Variants in RASAL2 observed in about 807,000 individuals in gnomAD.
RASAL2 encodes ras GTPase-activating protein nGAP.
A neutral mutation model predicts 128.9 loss-of-function variants in RASAL2; 58 were observed. The observed-to-expected ratio is 0.45, with a 90% CI of 0.36 to 0.56. The LOEUF is 0.56. Among genes scored for constraint, RASAL2 ranks in the 20% least tolerant of loss-of-function variants. The pLI is 0.00. For missense variants in RASAL2, 1,360 were observed against 1,601.6 expected (o/e 0.85, Z 2.57); for synonymous variants, 561 against 580.8 (o/e 0.97, Z 0.49).
At chr1:178,325,079 G>A (rs1461140049) in intron 3 of RASAL2, among the ~76,000 whole-genome samples, 2 of 152,082 alleles carry the variant, frequency 1.3e-5, no homozygotes, top group Non-Finnish European at 2.9e-5. Context: ...ATGTTAACAT[G>A]TTTCCTCATT....
intron 17 of RASAL2, among the ~76,000 whole-genome samples, chr1:178,467,776 C>T (rs2102954260): frequency 6.6e-6 from 1 of 152,334 alleles, no homozygotes; most frequent in South Asian, 2.1e-4. Flanking sequence ...CCTCCACTGA[C>T]CATTGCTTGG....
In RASAL2 at chr1:178,133,294, TATC is replaced by T. The variant is rs555781085; in HGVS notation, c.202+38603_202+38605del. On this transcript the variant is annotated intron_variant, in intron 1 of 17. Transcript: ENST00000367649. ...TCCCCTGCCTTTTTGTTATAAATAT[TATC>T]ATGGCATGAAACAAAAAGCCTGTTA... Among the ~76,000 whole-genome samples, 18 of 152,322 alleles carry T rather than the reference TATC, an allele frequency of 1.2e-4. No individual in the cohort carries two copies. In the East Asian group the frequency reaches 3.3e-3, roughly 28 times the overall value.
At chr1:178,212,775 G>A (rs967426735) in intron 1 of RASAL2, among the ~76,000 whole-genome samples, 15 of 152,210 alleles carry the variant, frequency 9.9e-5, no homozygotes, top group African/African-American at 3.6e-4. Flanking sequence ...ACAGGCATGA[G>A]CCATGAGCCG....
chr1:178,105,212 A>G (rs1055703422), intron 1 of RASAL2, among the ~76,000 whole-genome samples: 6 of 152,346 alleles, frequency 3.9e-5, no homozygotes, highest in Admixed American at 6.5e-5. Context: ...AAGAACTAAT[A>G]TTAATGATTA....
intron 1 of RASAL2, among the ~76,000 whole-genome samples, chr1:178,150,927 G>T (rs1428709433): frequency 6.6e-6 from 1 of 151,914 alleles, no homozygotes; most frequent in South Asian, 2.1e-4. Flanking sequence ...CACTTCTTTT[G>T]TGCTTTTTCT....
At chr1:178,186,931 C>T (rs1405136380) in intron 1 of RASAL2, among the ~76,000 whole-genome samples, 2 of 151,914 alleles carry the variant, frequency 1.3e-5, no homozygotes, top group Non-Finnish European at 2.9e-5. Flanking sequence ...TCTAGTGATC[C>T]TCCCGCCTCA....
intron 3 of RASAL2, among the ~76,000 whole-genome samples, chr1:178,332,218 C>T (rs1019309966): frequency 6.6e-6 from 1 of 151,978 alleles, no homozygotes. Flanking sequence ...CCTATGTTCT[C>T]GGCCGGGCAC....
chr1:178,147,058 T>G (rs1220209144), intron 1 of RASAL2, among the ~76,000 whole-genome samples: 1 of 152,238 alleles, frequency 6.6e-6, no homozygotes, highest in Non-Finnish European at 1.5e-5. Flanking sequence ...AGATTTTAAC[T>G]GTAATTAAGT....
chr1:178,382,662 A>T (rs1478586720), intron 3 of RASAL2, among the ~76,000 whole-genome samples: 1 of 152,158 alleles, frequency 6.6e-6, no homozygotes, highest in Admixed American at 6.5e-5. Context: ...AGGATTAAAG[A>T]TGTAACTTAT....
chr1:178,330,966 C>T (rs1669274674), intron 3 of RASAL2, among the ~76,000 whole-genome samples: 1 of 152,188 alleles, frequency 6.6e-6, no homozygotes, highest in Non-Finnish European at 1.5e-5. Flanking sequence ...TATTTATTCA[C>T]ATAACCCTAT....
In RASAL2 at chr1:178,474,364, A is replaced by AT. The variant is rs144925932; in HGVS notation, c.*1126dup. 0.034 allele frequency: 5,257 copies of AT among 152,504 alleles called. 124 individuals are homozygous for AT. The highest frequency in any genetic ancestry group is 0.05 in the Non-Finnish European group (3,415 of 68,018). The allele number at this position is 152,504 out of a possible 1,614,324, so 9.4% of individuals were successfully genotyped here. On this transcript the variant is annotated 3_prime_UTR_variant, in exon 18 of 18. Coordinates refer to ENST00000367649, the MANE Select transcript of RASAL2 (RefSeq NM_170692.4). ...ATCTATGGGGGGTAATTTTATCTCC[A>AT]TCTTTAACTTTTAAAGTACTTCTTC...
chr1:178,202,836 A>T (rs1374632514), intron 1 of RASAL2, among the ~76,000 whole-genome samples: 1 of 152,138 alleles, frequency 6.6e-6, no homozygotes, highest in African/African-American at 2.4e-5. Flanking sequence ...TTCCCCAGCC[A>T]CCTGTGTCAT....
At chr1:178,466,208 AAAAGC>A in intron 16 of RASAL2, 86 bp downstream of exon 16, 2 of 1,326,944 alleles carry the variant, frequency 1.5e-6, no homozygotes, top group Non-Finnish European at 2.0e-6. Flanking sequence ...GAATGGCAGC[AAAAGC>A]CATTTTTATC....
chr1:178,207,517 G>A (rs973818698), intron 1 of RASAL2, among the ~76,000 whole-genome samples: 5 of 152,154 alleles, frequency 3.3e-5, no homozygotes, highest in African/African-American at 9.7e-5. Flanking sequence ...AAAGACTTGA[G>A]CATCCTCATA....
At chr1:178,261,161 A>G (rs1481070863) in intron 1 of RASAL2, among the ~76,000 whole-genome samples, 5 of 152,192 alleles carry the variant, frequency 3.3e-5, no homozygotes, top group South Asian at 2.1e-4. Context: ...CCAGTTTCCA[A>G]TCTGTATTTT....
chr1:178,373,274 C>CTTTTTTT lies in RASAL2; in HGVS notation c.458-16817_458-16811dup, dbSNP rs60835442. On this transcript the variant is annotated intron_variant, in intron 3 of 17. Transcript: ENST00000367649. ...TCAATCTTAGCATTCTGTTTCTTTC[C>CTTTTTTT]TTTTTTTTTTTTTTTGCAGTTTAGA... 7.3e-4 allele frequency among the ~76,000 whole-genome samples: 44 copies of CTTTTTTT among 60,060 alleles called. 2 individuals carry two copies. The highest frequency in any genetic ancestry group is 1.8e-3 in the African/African-American group (24 of 13,470). 39.4% of individuals were successfully genotyped at this position (60,060 alleles called of 152,430 possible).
chr1:178,157,267 AG>A (rs1661116469), intron 1 of RASAL2, among the ~76,000 whole-genome samples: 1 of 152,164 alleles, frequency 6.6e-6, no homozygotes, highest in Non-Finnish European at 1.5e-5. Context: ...CAGTGGTCTA[AG>A]TATTTTTACT....
At chr1:178,122,094 A>G (rs907842966) in intron 1 of RASAL2, among the ~76,000 whole-genome samples, 2 of 152,082 alleles carry the variant, frequency 1.3e-5, no homozygotes, top group African/African-American at 2.4e-5. Flanking sequence ...AACAAAGGAC[A>G]TGCTGAGTCT....
chr1:178,232,604 A>G (rs1047035143), intron 1 of RASAL2, among the ~76,000 whole-genome samples: 3 of 152,182 alleles, frequency 2.0e-5, no homozygotes, highest in Non-Finnish European at 4.4e-5. Context: ...TTACACTAAA[A>G]ATGGTGTTGG....
Sources: gnomAD v4.1 joint callset for allele counts (sites outside exome capture counted in the v4.1 genomes callset) on GRCh38, gnomAD v4.1.1 for gene constraint, MANE v1.5 for transcripts, NCBI Gene and HGNC (gene_info 2026-07-23, HGNC 2026-07-21) for gene names.